MCTP2: variants seen among roughly 807,000 people sequenced by gnomAD.
MCTP2 encodes multiple C2 and transmembrane domain containing 2, also known as multiple C2 and transmembrane domain-containing protein 2.
A neutral mutation model predicts 111.6 loss-of-function variants in MCTP2; 132 were observed. The observed-to-expected ratio is 1.18, with a 90% CI of 1.03 to 1.37. The LOEUF (loss-of-function observed/expected upper bound fraction) is 1.37. Among genes scored for constraint, MCTP2 ranks in the 40% most tolerant of loss-of-function variants. The pLI is 0.00. For synonymous variants in MCTP2, 395 were observed against 387.7 expected, an observed-to-expected ratio of 1.02 and a Z score of -0.22; for missense variants, 1,183 against 1,067.9, an observed-to-expected ratio of 1.11 and a Z score of -1.50.
At chr15:94,311,055 C>A (rs1364913174) in intron 2 of MCTP2, among the ~76,000 whole-genome samples, 1 of 144,294 alleles carries the variant, frequency 6.9e-6, no homozygotes, top group Non-Finnish European at 1.5e-5. Context: ...GATGGAGTCT[C>A]ACTCTGTTGC....
chr15:94,395,614 AAT>A (rs2081242755), intron 14 of MCTP2, among the ~76,000 whole-genome samples: 1 of 152,220 alleles, frequency 6.6e-6, no homozygotes. Context: ...TTAGTTTTTT[AAT>A]ATAATGAGTG....
At chr15:94,418,091 A>G (rs2082457063) in intron 17 of MCTP2, among the ~76,000 whole-genome samples, 1 of 152,076 alleles carries the variant, frequency 6.6e-6, no homozygotes, top group African/African-American at 2.4e-5. Context: ...TAATCTTTCT[A>G]TGAACATAAA....
chr15:94,396,607 G>A (rs1439713530), intron 14 of MCTP2, among the ~76,000 whole-genome samples: 2 of 152,024 alleles, frequency 1.3e-5, no homozygotes, highest in African/African-American at 4.8e-5. Context: ...AGTCTCTTCT[G>A]TTACTATCTC....
At position 94,402,006 on chromosome 15, in the gene MCTP2, C is replaced by T. The variant is rs576073379; in HGVS notation, c.2072C>T (p.Thr691Ile). 42 of 1,611,400 alleles carry T rather than the reference C, an allele frequency of 2.6e-5. No homozygotes were observed. In the East Asian group the frequency reaches 8.0e-4, roughly 31 times the overall value. ...CFQWESTLRS[T>I]IAFAVFLITV... ...CAGTGGGAATCCACATTAAGAAGTA[C>T]AATAGCATTCGCGGTAAGCTTCCTT... Residue 691 changes from threonine to isoleucine, a missense_variant, in exon 17 of 23, where the codon ACA becomes ATA. By Grantham distance (89) the Thr-to-Ile change is moderately conservative. Coordinates refer to ENST00000357742, the MANE Select transcript of MCTP2 (RefSeq NM_001385001.1).
At chr15:94,309,324 G>A (rs150823508) in intron 2 of MCTP2, among the ~76,000 whole-genome samples, 5 of 152,212 alleles carry the variant, frequency 3.3e-5, no homozygotes, top group East Asian at 1.9e-4. Context: ...GACAAGATAC[G>A]GGTTATAGAT....
At chr15:94,353,659 T>C (rs2078440358) in intron 8 of MCTP2, among the ~76,000 whole-genome samples, 2 of 152,214 alleles carry the variant, frequency 1.3e-5, no homozygotes, top group Non-Finnish European at 2.9e-5. Flanking sequence ...GGGAGGAATA[T>C]ATCTGTCGGA....
chr15:94,390,460 A>G (rs893163362), intron 14 of MCTP2, among the ~76,000 whole-genome samples: 5 of 152,070 alleles, frequency 3.3e-5, no homozygotes, highest in African/African-American at 4.8e-5. Context: ...CACTGACTCA[A>G]TAGACTTATT....
chr15:94,241,642 A>G (rs968793919), intron 1 of MCTP2, among the ~76,000 whole-genome samples: 1 of 152,182 alleles, frequency 6.6e-6, no homozygotes, highest in Non-Finnish European at 1.5e-5. Context: ...TGATGTATGA[A>G]TGCAGATATA....
At chr15:94,446,450 A>G (rs1002865314) in intron 19 of MCTP2, among the ~76,000 whole-genome samples, 1 of 152,238 alleles carries the variant, frequency 6.6e-6, no homozygotes, top group Non-Finnish European at 1.5e-5. Flanking sequence ...ATGGATTACA[A>G]TGAAAATTGC....
In MCTP2 at chr15:94,321,227, TAC is replaced by T. The variant is rs1260267267; in HGVS notation, c.637+5592_637+5593del. Among the ~76,000 whole-genome samples, 5 of 152,092 alleles carry T rather than the reference TAC, an allele frequency of 3.3e-5. No individual in the cohort carries two copies. The East Asian group carries it at 9.7e-4, about 29-fold the overall frequency. On this transcript the variant is annotated intron_variant, in intron 4 of 22. Coordinates refer to ENST00000357742, the MANE Select transcript of MCTP2 (RefSeq NM_001385001.1). ...CAAAAATACAGTAGAAAGAATAAGT[TAC>T]AGTGTTCAATGGCTCAGTAGGGTGA... is the stretch of plus-strand genomic sequence containing the variant.
chr15:94,340,024 A>G (rs1023832373), intron 5 of MCTP2, among the ~76,000 whole-genome samples, 175 bp from the exon 6 acceptor site: 2 of 152,192 alleles, frequency 1.3e-5, no homozygotes, highest in Non-Finnish European at 2.9e-5. Context: ...AAGATTGAAT[A>G]ATTTTGTTCT....
intron 1 of MCTP2, among the ~76,000 whole-genome samples, chr15:94,293,119 G>A (rs921787088): frequency 6.6e-6 from 1 of 151,888 alleles, no homozygotes; most frequent in African/African-American, 2.4e-5. Context: ...AGAAAACATG[G>A]GAGAAAACCT....
chr15:94,471,524 C>T (rs1424105515), intron 21 of MCTP2, among the ~76,000 whole-genome samples: 2 of 152,142 alleles, frequency 1.3e-5, no homozygotes, highest in Non-Finnish European at 2.9e-5. Flanking sequence ...TAGAGTAGCT[C>T]ATACAATTAC....
rs142061567 is a variant in MCTP2 at position 94,242,926 on chromosome 15, C to T, written c.-66+11262C>T. Among the ~76,000 whole-genome samples, 1,280 of 140,032 alleles carry T rather than the reference C, an allele frequency of 9.1e-3. 26 individuals are homozygous for T. Among genetic ancestry groups the T allele is most frequent in the Middle Eastern group, 0.027 (7 of 256 alleles). 91.9% of individuals were successfully genotyped at this position (140,032 alleles called of 152,430 possible). ...ATATGTATACACATATACACGTACA[C>T]ATATACACGTGTATATGTAGATACA... is the stretch of plus-strand genomic sequence containing the variant. On this transcript the variant is annotated intron_variant, in intron 1 of 22. Coordinates refer to ENST00000357742, the MANE Select transcript of MCTP2 (RefSeq NM_001385001.1).
chr15:94,250,470 A>AT (rs532767681), intron 1 of MCTP2, among the ~76,000 whole-genome samples: 21 of 152,096 alleles, frequency 1.4e-4, no homozygotes, highest in Non-Finnish European at 2.9e-4. Context: ...TTTTGTATGG[A>AT]TTTTCTCTAA....
intron 21 of MCTP2, 60 bp from the exon 22 acceptor site, chr15:94,476,635 GA>G: frequency 3.5e-6 from 3 of 859,760 alleles, no homozygotes. Flanking sequence ...TAGATAGATA[GA>G]TAGATAGATA....
chr15:94,284,057 A>T (rs2074629833), intron 1 of MCTP2, among the ~76,000 whole-genome samples: 1 of 152,218 alleles, frequency 6.6e-6, no homozygotes, highest in African/African-American at 2.4e-5. Flanking sequence ...ATAAATTAAT[A>T]TACCTACTTT....
intron 1 of MCTP2, among the ~76,000 whole-genome samples, chr15:94,284,299 C>G (rs183325215): frequency 1.3e-5 from 2 of 152,332 alleles, no homozygotes; most frequent in East Asian, 3.9e-4. Context: ...TTACTAATCA[C>G]TTCTAACTGG....
chr15:94,332,456 A>T (rs2077173314), intron 4 of MCTP2, among the ~76,000 whole-genome samples: 1 of 152,186 alleles, frequency 6.6e-6, no homozygotes, highest in East Asian at 1.9e-4. Context: ...TAAAAAATTT[A>T]AAATATATAC....
Sources: gnomAD v4.1 joint callset for allele counts (sites outside exome capture counted in the v4.1 genomes callset) on GRCh38, gnomAD v4.1.1 for gene constraint, MANE v1.5 for transcripts, NCBI Gene and HGNC (gene_info 2026-07-23, HGNC 2026-07-21) for gene names.